Variants in CIDEA observed in about 807,000 individuals in gnomAD.
CIDEA encodes lipid transferase CIDEA.
A neutral mutation model predicts 18.2 loss-of-function variants in CIDEA; 10 were observed. The ratio of observed to expected loss-of-function variants is 0.55; its 90% CI spans 0.34 to 0.93. The LOEUF (loss-of-function observed/expected upper bound fraction) is 0.93. Among genes scored for constraint, CIDEA ranks in the 40% least tolerant of loss-of-function variants. CIDEA has a pLI of 0.02. For missense variants in CIDEA, 309 were observed against 293.1 expected (o/e 1.05, Z -0.40); for synonymous variants, 128 against 124.8 (o/e 1.03, Z -0.17).
At chr18:12,258,480 T>C (rs1912099261) in intron 1 of CIDEA, among the ~76,000 whole-genome samples, 1 of 152,236 alleles carries the variant, frequency 6.6e-6, no homozygotes, top group Non-Finnish European at 1.5e-5. Context: ...GATGGCGTGC[T>C]GACAGGCGCT....
intron 1 of CIDEA, among the ~76,000 whole-genome samples, chr18:12,262,066 C>T (rs1305245293): frequency 2.0e-5 from 3 of 151,960 alleles, no homozygotes; most frequent in African/African-American, 7.3e-5. Flanking sequence ...ACTCAGGAGG[C>T]TGAGGCAGGA....
intron 1 of CIDEA, among the ~76,000 whole-genome samples, chr18:12,260,480 C>A (rs1382771498): frequency 6.6e-6 from 1 of 152,130 alleles, no homozygotes; most frequent in African/African-American, 2.4e-5. Context: ...GCCATTGCAC[C>A]CAGCCAACTA....
chr18:12,272,501 C>A (rs1228577342), intron 3 of CIDEA, among the ~76,000 whole-genome samples: 1 of 152,170 alleles, frequency 6.6e-6, no homozygotes, highest in Non-Finnish European at 1.5e-5. Flanking sequence ...GTGTGCACCA[C>A]CATGCCCGGC....
chr18:12,275,049 A>T (rs9303765), intron 4 of CIDEA, among the ~76,000 whole-genome samples: 2 of 152,144 alleles, frequency 1.3e-5, no homozygotes, highest in Non-Finnish European at 2.9e-5. Context: ...TTGGTCAGGC[A>T]TGGTGGCTCA....
At chr18:12,271,267 G>T (rs547072156) in intron 3 of CIDEA, among the ~76,000 whole-genome samples, 1 of 152,154 alleles carries the variant, frequency 6.6e-6, no homozygotes, top group Admixed American at 6.5e-5. Context: ...GCGGGGTTGG[G>T]GTGGGGTTTG....
intron 1 of CIDEA, among the ~76,000 whole-genome samples, chr18:12,261,069 G>A (rs1912177046): frequency 6.6e-6 from 1 of 152,124 alleles, no homozygotes; most frequent in Non-Finnish European, 1.5e-5. Flanking sequence ...CAATCATTTT[G>A]TTATGAATCT....
At chr18:12,272,541 T>A (rs1912580259) in intron 3 of CIDEA, among the ~76,000 whole-genome samples, 1 of 151,498 alleles carries the variant, frequency 6.6e-6, no homozygotes, top group Non-Finnish European at 1.5e-5. Flanking sequence ...AGAGACGGGG[T>A]TTCGCCATGT....
At chr18:12,257,241 C>T (rs543761250) in intron 1 of CIDEA, among the ~76,000 whole-genome samples, 1 of 152,306 alleles carries the variant, frequency 6.6e-6, no homozygotes, top group Non-Finnish European at 1.5e-5. Context: ...TGTACTGCTT[C>T]TTCCTCCCAC....
At chr18:12,264,513 T>A (rs6505738) in intron 3 of CIDEA, 60 bp downstream of exon 3, 4 of 1,431,914 alleles carry the variant, frequency 2.8e-6, no homozygotes, top group Admixed American at 4.2e-5. Flanking sequence ...TACAAATTTG[T>A]GTGCCCTACT....
intron 4 of CIDEA, 50 bp from the exon 5 acceptor site, chr18:12,277,073 C>T: frequency 6.2e-7 from 1 of 1,606,430 alleles, no homozygotes; most frequent in East Asian, 2.2e-5. Flanking sequence ...GTCTGTTTCT[C>T]ACTGGCCCAA....
At chr18:12,269,000 A>AT (rs1912440418) in intron 3 of CIDEA, among the ~76,000 whole-genome samples, 1 of 151,712 alleles carries the variant, frequency 6.6e-6, no homozygotes, top group Non-Finnish European at 1.5e-5. Context: ...TAATTTTTGT[A>AT]TTTTTAGTGG....
intron 4 of CIDEA, among the ~76,000 whole-genome samples, chr18:12,274,976 G>A (rs1478534488): frequency 6.6e-6 from 1 of 152,262 alleles, no homozygotes; most frequent in African/African-American, 2.4e-5. Context: ...AATCAGCTGT[G>A]TGACCTTTCA....
chr18:12,260,363 T>G lies in CIDEA; in HGVS notation c.39-2462T>G, dbSNP rs11664238. 2.9e-3 allele frequency among the ~76,000 whole-genome samples: 366 copies of G among 127,420 alleles called. 1 individual carries two copies. The highest frequency in any genetic ancestry group is 4.3e-3 in the Non-Finnish European group (237 of 54,592). 83.6% of individuals were successfully genotyped at this position (127,420 alleles called of 152,430 possible). ...ACTAATTTTTTTTTTCAATTTATTT[T>G]TTGTAAAGATGAGGGTCTCACTATG... On this transcript the variant is annotated intron_variant, in intron 1 of 4. Coordinates refer to ENST00000320477, the MANE Select transcript of CIDEA (RefSeq NM_001279.4).
At chr18:12,273,899 C>A (rs115677206) in intron 3 of CIDEA, among the ~76,000 whole-genome samples, 194 bp from the exon 4 acceptor site, 10 of 152,204 alleles carry the variant, frequency 6.6e-5, no homozygotes. Context: ...ACAGACGCCT[C>A]GTGGCTAATT....
At chr18:12,258,217 C>T (rs368318215) in intron 1 of CIDEA, among the ~76,000 whole-genome samples, 1 of 152,158 alleles carries the variant, frequency 6.6e-6, no homozygotes, top group Non-Finnish European at 1.5e-5. Flanking sequence ...CAGGTGAAGG[C>T]AGGGAGAACC....
intron 3 of CIDEA, among the ~76,000 whole-genome samples, chr18:12,272,072 C>T (rs1047152789): frequency 2.7e-5 from 4 of 146,346 alleles, no homozygotes; most frequent in Non-Finnish European, 6.0e-5. Flanking sequence ...AAACACGTTT[C>T]CCGGCTGAGG....
At chr18:12,261,848 T>C (rs1265587763) in intron 1 of CIDEA, among the ~76,000 whole-genome samples, 4 of 151,164 alleles carry the variant, frequency 2.6e-5, no homozygotes, top group Non-Finnish European at 5.9e-5. Flanking sequence ...CCCAAAGCAC[T>C]GGAATTACAG....
intron 4 of CIDEA, among the ~76,000 whole-genome samples, chr18:12,276,101 C>A (rs936811327): frequency 1.3e-4 from 19 of 149,876 alleles, no homozygotes; most frequent in Admixed American, 2.0e-4. Context: ...TCAAGCCATT[C>A]CCGTGGCTCA....
chr18:12,277,162 G>A lies in CIDEA; in HGVS notation c.552G>A (p.Thr184=), dbSNP rs138099265. ...LRFLSYSAQV[T]GQFLIYLGTY... ...TCCTGTCCTACTCCGCCCAGGTGAC[G>A]GGACAGTTTCTCATCTATCTGGGCA... is the stretch of plus-strand genomic sequence containing the variant. Residue 184 remains threonine (T), a synonymous_variant, in exon 5 of 5, where the codon ACG becomes ACA. Coordinates refer to ENST00000320477, the MANE Select transcript of CIDEA (RefSeq NM_001279.4). 4.2e-5 allele frequency: 67 copies of A among 1,614,046 alleles called. No individual in the cohort carries two copies. The highest frequency in any genetic ancestry group is 1.5e-4 in the Admixed American group (9 of 60,000).
Sources: gnomAD v4.1 joint callset for allele counts (sites outside exome capture counted in the v4.1 genomes callset) on GRCh38, gnomAD v4.1.1 for gene constraint, MANE v1.5 for transcripts, NCBI Gene and HGNC (gene_info 2026-07-23, HGNC 2026-07-21) for gene names.